The following ACBD6 variants were observed in gnomAD, a reference collection of about 807,000 sequenced individuals.
ACBD6 encodes the protein acyl-CoA-binding domain-containing protein 6.
ACBD6 carries 28 observed loss-of-function variants against 37.2 expected under a neutral mutation model. The ratio of observed to expected loss-of-function variants is 0.75; its 90% confidence interval spans 0.56 to 1.03. The LOEUF (loss-of-function observed/expected upper bound fraction) is 1.03. Among genes scored for constraint, ACBD6 ranks in the 50% least tolerant of loss-of-function variants. The probability of loss-of-function intolerance (pLI) is 0.00; values close to 1 mark genes in which losing one functional copy is unlikely to be tolerated. For synonymous variants in ACBD6, 113 were observed against 126.8 expected, an observed-to-expected ratio of 0.89 and a Z score of 0.73; for missense variants, 340 against 337.4, an observed-to-expected ratio of 1.01 and a Z score of -0.06.
intron 6 of ACBD6, among the ~76,000 whole-genome samples, chr1:180,319,651 C>G (rs1368709484): frequency 6.6e-6 from 1 of 152,146 alleles, no homozygotes; most frequent in Non-Finnish European, 1.5e-5. Flanking sequence ...CCCCTATACC[C>G]CTGCAACCCT....
At chr1:180,333,729 G>A (rs999250270) in intron 6 of ACBD6, among the ~76,000 whole-genome samples, 3 of 152,220 alleles carry the variant, frequency 2.0e-5, no homozygotes, top group Non-Finnish European at 4.4e-5. Context: ...CGCCTCACCC[G>A]GGAAGCGCAA....
intron 4 of ACBD6, among the ~76,000 whole-genome samples, chr1:180,424,204 C>T (rs530456655): frequency 6.6e-6 from 1 of 152,020 alleles, no homozygotes; most frequent in Non-Finnish European, 1.5e-5. Flanking sequence ...GTTAACTTCT[C>T]TGAATTTCAG....
At chr1:180,457,710 T>C (rs1287118683) in intron 3 of ACBD6, among the ~76,000 whole-genome samples, 2 of 151,290 alleles carry the variant, frequency 1.3e-5, no homozygotes, top group African/African-American at 4.9e-5. Context: ...AATTTTCACA[T>C]AATAAAATAT....
At chr1:180,327,695 A>G (rs1651306814) in intron 6 of ACBD6, among the ~76,000 whole-genome samples, 1 of 152,218 alleles carries the variant, frequency 6.6e-6, no homozygotes, top group African/African-American at 2.4e-5. Context: ...CCTTTAGAAG[A>G]ATGTTCCCAT....
At chr1:180,358,124 G>C (rs979554449) in intron 6 of ACBD6, among the ~76,000 whole-genome samples, 3 of 152,236 alleles carry the variant, frequency 2.0e-5, no homozygotes, top group African/African-American at 7.2e-5. Context: ...CTTCTATCAT[G>C]TAATACAAAA....
chr1:180,318,167 C>CCA (rs59136323), intron 6 of ACBD6, among the ~76,000 whole-genome samples: 4,748 of 80,258 alleles, frequency 0.059, 670 homozygotes, highest in East Asian at 0.35. Context: ...ATCTCCGCCC[C>CCA]CCCCCCCCAA....
At chr1:180,485,326 T>C (rs10914010) in intron 3 of ACBD6, among the ~76,000 whole-genome samples, 73,898 of 151,944 alleles carry the variant, frequency 0.49, 20,780 homozygotes, top group South Asian at 0.66. Flanking sequence ...CCCAAAAAGG[T>C]ATGCCCAAAT....
intron 6 of ACBD6, among the ~76,000 whole-genome samples, chr1:180,372,227 GTTAC>G (rs949781674): frequency 1.3e-5 from 2 of 151,936 alleles, no homozygotes; most frequent in African/African-American, 4.8e-5. Context: ...TTCTTTTGTT[GTTAC>G]TTTTTATTAT....
In ACBD6 at chr1:180,325,280, CTTTT is replaced by C. The variant is rs1483250958; in HGVS notation, c.664-10562_664-10559del. ...CTAGATCTTTTAAGTGTGTTTTATT[CTTTT>C]GTTTCCTCTGTGTATTTTTAAGTAG... On this transcript the variant is annotated intron_variant, in intron 6 of 7. Transcript: ENST00000367595. 3.9e-5 allele frequency among the ~76,000 whole-genome samples: 6 copies of C among 152,088 alleles called. No homozygotes were observed. In the East Asian group the frequency reaches 1.2e-3, roughly 29 times the overall value.
At chr1:180,290,874 G>A (rs956564138) in intron 7 of ACBD6, among the ~76,000 whole-genome samples, 3 of 152,160 alleles carry the variant, frequency 2.0e-5, no homozygotes, top group African/African-American at 4.8e-5. Flanking sequence ...GCCTTGAATC[G>A]GTCACACTAA....
intron 6 of ACBD6, among the ~76,000 whole-genome samples, chr1:180,363,516 G>A (rs1337488279): frequency 3.3e-5 from 5 of 152,262 alleles, no homozygotes; most frequent in African/African-American, 9.6e-5. Context: ...GTTAAAAGTT[G>A]ATGAAAAAGC....
rs1193116060 is a variant in ACBD6, at chr1:180,502,573, G to T, written c.-307C>A. 1 of 420,176 alleles carries T rather than the reference G, an allele frequency of 2.4e-6. No homozygotes were observed. Among genetic ancestry groups the T allele is most frequent in the Non-Finnish European group, 4.5e-6 (1 of 224,044 alleles). The allele number at this position is 420,176 out of a possible 1,614,324, so 26.0% of individuals were successfully genotyped here. A position where few individuals can be genotyped will look rare whatever the true frequency, so the allele number is the denominator to read the frequency against. ...CCTCCAACGGAACAGGAGTCGAGGG[G>T]CAGTGAGGCCGGGATGCGTGCGAGC... On this transcript the variant is annotated 5_prime_UTR_variant, in exon 1 of 8. Transcript: ENST00000367595.
chr1:180,467,306 T>C (rs1047812409), intron 3 of ACBD6, among the ~76,000 whole-genome samples: 3 of 151,254 alleles, frequency 2.0e-5, no homozygotes, highest in African/African-American at 7.3e-5. Context: ...TTTAATCTTA[T>C]AGAAGTATAT....
At chr1:180,314,562 CA>C in intron 7 of ACBD6, 129 bp downstream of exon 7, 1 of 765,800 alleles carries the variant, frequency 1.3e-6, no homozygotes, top group Admixed American at 2.5e-5. Flanking sequence ...TTTTTTTGAA[CA>C]AAAAGTTATT....
rs1654309648 is a variant in ACBD6, at chr1:180,397,549, C to G, written c.630G>C (p.Val210=). ...CDRGHKELVT[V]LLQHRADINC... ...TAATGTCAGCTCTATGTTGCAGCAA[C>G]ACTGTGACTAGTTCCTTATGTCCTC... Residue 210 remains valine, a synonymous_variant, in exon 6 of 8, where the codon GTG becomes GTC. Transcript: ENST00000367595. 6.2e-7 allele frequency: 1 copy of G among 1,614,088 alleles called. No homozygotes were observed. The highest frequency in any genetic ancestry group is 1.3e-5 in the African/African-American group (1 of 75,048).
chr1:180,502,268 T>C lies in ACBD6; in HGVS notation c.-2A>G. 6.2e-7 allele frequency: 1 copy of C among 1,612,530 alleles called. No individual in the cohort carries two copies. The highest frequency in any genetic ancestry group is 2.0e-4 in the Middle Eastern group (1 of 5,054). ...CGCGGGCAGGAATGATGAAGCCATG[T>C]CTCCTTGCTCGCTCCGTCCCTCTGT... On this transcript the variant is annotated 5_prime_UTR_variant, in exon 1 of 8. Coordinates refer to ENST00000367595, the MANE Select transcript of ACBD6 (RefSeq NM_032360.4).
At chr1:180,478,393 A>G (rs1169935281) in intron 3 of ACBD6, among the ~76,000 whole-genome samples, 1 of 152,196 alleles carries the variant, frequency 6.6e-6, no homozygotes, top group Admixed American at 6.5e-5. Context: ...TTAAACAACA[A>G]TTCAATTTAT....
chr1:180,346,092 G>A (rs913853641), intron 6 of ACBD6, among the ~76,000 whole-genome samples: 2 of 152,032 alleles, frequency 1.3e-5, no homozygotes, highest in Non-Finnish European at 2.9e-5. Context: ...ACTGGATGAG[G>A]GATATAGGTA....
exon 14 of ACBD6, chr1:180,271,715 T>A: frequency 1.5e-6 from 2 of 1,310,646 alleles, no homozygotes; most frequent in Non-Finnish European, 1.1e-6. Flanking sequence ...CGCATCGCAC[T>A]CCCAGACCTG....
Sources: allele counts gnomAD v4.1 joint callset (sites outside exome capture counted in the v4.1 genomes callset), GRCh38; gene constraint gnomAD v4.1.1; transcripts MANE v1.5; gene names NCBI Gene and HGNC (gene_info 2026-07-23, HGNC 2026-07-21).